KLHL1: variants seen among roughly 807,000 people sequenced by gnomAD.
KLHL1 encodes kelch like family member 1.
KLHL1 carries 47 observed loss-of-function variants against 77.7 expected under a neutral mutation model. That is an observed-to-expected ratio of 0.60 (90% CI 0.48 to 0.77). KLHL1 has a LOEUF of 0.77. KLHL1 is among the 30% of genes least tolerant of loss of function. The pLI, the probability that KLHL1 is intolerant of heterozygous loss-of-function variation, is 0.00. For synonymous variants in KLHL1, 360 were observed against 325.2 expected, an observed-to-expected ratio of 1.11 and a Z score of -1.15; for missense variants, 925 against 910.8, an observed-to-expected ratio of 1.02 and a Z score of -0.20.
intron 1 of KLHL1, among the ~76,000 whole-genome samples, chr13:70,030,960 A>G (rs985788744): frequency 2.6e-5 from 4 of 152,232 alleles, no homozygotes; most frequent in Admixed American, 2.6e-4. Flanking sequence ...AGAATACTAT[A>G]AACACTTCTA....
chr13:69,816,330 G>A lies in KLHL1; in HGVS notation c.1415-19368C>T, dbSNP rs112442890. 1.8e-3 allele frequency among the ~76,000 whole-genome samples: 269 copies of A among 149,640 alleles called. 1 individual carries two copies. Among genetic ancestry groups the A allele is most frequent in the Middle Eastern group, 6.9e-3 (2 of 288 alleles). ...GGCTGGAGTGCAGTAGCACAATCTCGGCTCACTGAAACCTCTGCCTCCCAG... is the reference window on the plus strand; with the variant it reads ...GGCTGGAGTGCAGTAGCACAATCTCAGCTCACTGAAACCTCTGCCTCCCAG... On this transcript the variant is annotated intron_variant, in intron 6 of 10. Transcript: ENST00000377844.
chr13:69,746,786 A>G (rs965641228), intron 7 of KLHL1, among the ~76,000 whole-genome samples: 1 of 152,028 alleles, frequency 6.6e-6, no homozygotes, highest in African/African-American at 2.4e-5. Context: ...CACAGTCACA[A>G]TCAAGATTTA....
chr13:69,968,301 T>G (rs1258395558), intron 2 of KLHL1, among the ~76,000 whole-genome samples: 1 of 151,738 alleles, frequency 6.6e-6, no homozygotes, highest in Admixed American at 6.6e-5. Context: ...GCACACTTAT[T>G]AGACCTATGG....
At chr13:70,040,590 TC>T (rs1277327488) in intron 1 of KLHL1, among the ~76,000 whole-genome samples, 1 of 152,216 alleles carries the variant, frequency 6.6e-6, no homozygotes, top group Non-Finnish European at 1.5e-5. Flanking sequence ...GAATTGTTTT[TC>T]CCCTATAGCT....
At chr13:69,768,728 A>G (rs1875429221) in intron 7 of KLHL1, among the ~76,000 whole-genome samples, 1 of 152,154 alleles carries the variant, frequency 6.6e-6, no homozygotes, top group Admixed American at 6.6e-5. Context: ...TAGTTAATAC[A>G]CTGTTTATGT....
intron 7 of KLHL1, among the ~76,000 whole-genome samples, chr13:69,776,034 T>C (rs1875812937): frequency 6.6e-6 from 1 of 150,976 alleles, no homozygotes. Context: ...TGGGTGCTTG[T>C]ATTCCCAGCT....
chr13:70,067,517 A>T (rs1447870910), intron 1 of KLHL1, among the ~76,000 whole-genome samples: 3 of 152,142 alleles, frequency 2.0e-5, no homozygotes, highest in Non-Finnish European at 4.4e-5. Context: ...TGATACGCAG[A>T]TGATCTCAGG....
At chr13:69,789,486 T>G (rs1049947170) in intron 7 of KLHL1, among the ~76,000 whole-genome samples, 2 of 152,180 alleles carry the variant, frequency 1.3e-5, no homozygotes, top group African/African-American at 4.8e-5. Flanking sequence ...GAAATTTAGT[T>G]GACTACTTTT....
rs114598530 is a variant in KLHL1, at chr13:70,096,886, G to A, written c.497+10317C>T. Among the ~76,000 whole-genome samples the A allele has an allele frequency of 2.0e-3, 300 of 151,976 alleles. 1 individual carries two copies. The highest frequency in any genetic ancestry group is 6.9e-3 in the African/African-American group (286 of 41,508). On this transcript the variant is annotated intron_variant, in intron 1 of 10. Coordinates refer to ENST00000377844, the MANE Select transcript of KLHL1 (RefSeq NM_020866.3). ...AGTAGCAAGAAAAAAGGAAGAAATCGCCAACAGAAGGCTCCTAGAAAGAAC... is the reference window on the plus strand; with the variant it reads ...AGTAGCAAGAAAAAAGGAAGAAATCACCAACAGAAGGCTCCTAGAAAGAAC...
At chr13:69,814,478 GA>G (rs1469235331) in intron 6 of KLHL1, among the ~76,000 whole-genome samples, 1 of 152,056 alleles carries the variant, frequency 6.6e-6, no homozygotes, top group Non-Finnish European at 1.5e-5. Flanking sequence ...ACAAAATGGA[GA>G]AAATATTTGC....
chr13:70,084,193 G>A (rs562105281), intron 1 of KLHL1, among the ~76,000 whole-genome samples: 58 of 151,548 alleles, frequency 3.8e-4, no homozygotes, highest in Admixed American at 6.6e-4. Flanking sequence ...ACACACACAT[G>A]TACACACACA....
At chr13:70,094,882 T>G (rs2137446757) in intron 1 of KLHL1, among the ~76,000 whole-genome samples, 1 of 152,276 alleles carries the variant, frequency 6.6e-6, no homozygotes, top group Admixed American at 6.5e-5. Flanking sequence ...TCAACTTGCC[T>G]AAAACCTAAG....
rs112268070 is a variant in KLHL1, at chr13:70,083,536, T to G, written c.497+23667A>C. On this transcript the variant is annotated intron_variant, in intron 1 of 10. Coordinates refer to ENST00000377844, the MANE Select transcript of KLHL1 (RefSeq NM_020866.3). ...AGTGATATACTTATTAATTTTAGAC[T>G]TTGTAGATTAACTCTGTGCAAATCG... is the stretch of plus-strand genomic sequence containing the variant. 1.7e-3 allele frequency among the ~76,000 whole-genome samples: 255 copies of G among 152,302 alleles called. 1 individual carries two copies. The highest frequency in any genetic ancestry group is 5.6e-3 in the African/African-American group (233 of 41,556).
intron 7 of KLHL1, among the ~76,000 whole-genome samples, chr13:69,764,356 C>T (rs1315785251): frequency 1.3e-5 from 2 of 152,122 alleles, no homozygotes; most frequent in African/African-American, 4.8e-5. Flanking sequence ...TATTATTCAA[C>T]CACATGGCAG....
At chr13:70,012,878 G>A (rs1417413950) in intron 1 of KLHL1, among the ~76,000 whole-genome samples, 1 of 149,036 alleles carries the variant, frequency 6.7e-6, no homozygotes, top group Non-Finnish European at 1.5e-5. Flanking sequence ...ACTCCAGCCT[G>A]GTTGACAGAG....
chr13:70,028,617 CT>C (rs1886014358), intron 1 of KLHL1, among the ~76,000 whole-genome samples: 5 of 152,064 alleles, frequency 3.3e-5, no homozygotes, highest in African/African-American at 9.7e-5. Context: ...GCAATGTTGT[CT>C]CAGAGAAATC....
At chr13:69,806,196 C>T (rs1484659983) in intron 6 of KLHL1, among the ~76,000 whole-genome samples, 1 of 152,218 alleles carries the variant, frequency 6.6e-6, no homozygotes, top group Admixed American at 6.5e-5. Context: ...TCCTGTCTTA[C>T]TCCTTATACC....
chr13:69,812,183 G>T (rs534477431), intron 6 of KLHL1, among the ~76,000 whole-genome samples: 35 of 152,216 alleles, frequency 2.3e-4, no homozygotes, highest in African/African-American at 8.4e-4. Flanking sequence ...TCAGTAGCAG[G>T]TTGTTCAGTT....
rs115331037 is a variant in KLHL1 at position 69,920,144 on chromosome 13, T to C, written c.1014+19896A>G. ...CTCAAATATAGATAAAATTTGTTTG[T>C]TTTTGGCTCTTTCTATTCATTTGAA... On this transcript the variant is annotated intron_variant, in intron 4 of 10. Transcript: ENST00000377844. Among the ~76,000 whole-genome samples, 785 of 152,240 alleles carry C rather than the reference T, an allele frequency of 5.2e-3. 7 individuals carry two copies. The highest frequency in any genetic ancestry group is 0.018 in the African/African-American group (732 of 41,542).
Sources: allele counts gnomAD v4.1 joint callset (sites outside exome capture counted in the v4.1 genomes callset), GRCh38; gene constraint gnomAD v4.1.1; transcripts MANE v1.5; gene names NCBI Gene and HGNC (gene_info 2026-07-23, HGNC 2026-07-21).